POTEC: variants seen among roughly 807,000 people sequenced by gnomAD.
The protein encoded by POTEC is ANKRD26-like family B member 2.
POTEC carries 35 observed loss-of-function variants against 62.0 expected under a neutral mutation model. The observed-to-expected ratio is 0.56, with a 90% CI of 0.43 to 0.75. The LOEUF is 0.75. Among genes scored for constraint, POTEC ranks in the 30% least tolerant of loss-of-function variants. The probability of loss-of-function intolerance (pLI) is 0.00; values close to 1 mark genes in which losing one functional copy is unlikely to be tolerated. For missense variants in POTEC, 472 were observed against 655.9 expected (o/e 0.72, Z 3.06); for synonymous variants, 156 against 221.5 (o/e 0.70, Z 2.62).
chr18:14,528,655 G>A (rs1381113095), intron 6 of POTEC, among the ~76,000 whole-genome samples: 2 of 151,782 alleles, frequency 1.3e-5, no homozygotes, highest in African/African-American at 4.8e-5. Flanking sequence ...AGGGACAAGT[G>A]GGATCCTAGG....
In POTEC at chr18:14,507,742, T is replaced by G. The variant is rs1909883979; in HGVS notation, c.*4156A>C. 2 of 152,204 alleles carry G rather than the reference T, an allele frequency of 1.3e-5. No homozygotes were observed. The highest frequency in any genetic ancestry group is 1.3e-4 in the Admixed American group (2 of 15,290). The allele number at this position is 152,204 out of a possible 1,614,324, so 9.4% of individuals were successfully genotyped here. A position where few individuals can be genotyped will look rare whatever the true frequency, so the allele number is the denominator to read the frequency against. ...GGTCTTTTCTTTCCATATTTAGTGC[T>G]TCCTTCAGGAGCTCTTGTAAGGTAG... On this transcript the variant is annotated 3_prime_UTR_variant, in exon 11 of 11. Coordinates refer to ENST00000358970, the MANE Select transcript of POTEC (RefSeq NM_001137671.2).
rs1238363606 is a variant in POTEC, at chr18:14,511,797, C to G, written c.*101G>C. The G allele has an allele frequency of 8.1e-7, 1 of 1,229,262 alleles. No homozygotes were observed. The highest frequency in any genetic ancestry group is 1.6e-5 in the African/African-American group (1 of 63,866). The allele number at this position is 1,229,262 out of a possible 1,614,324, so 76.1% of individuals were successfully genotyped here. On this transcript the variant is annotated 3_prime_UTR_variant, in exon 11 of 11. Coordinates refer to ENST00000358970, the MANE Select transcript of POTEC (RefSeq NM_001137671.2). Reference sequence around the variant, plus strand: ...TGGTTTTCGTTAATGCTTCTTCATTCAATTGCATAGCCCTTAGAAGTTTAT... The same window carrying G: ...TGGTTTTCGTTAATGCTTCTTCATTGAATTGCATAGCCCTTAGAAGTTTAT...
chr18:14,535,679 A>C (rs1905688883), intron 3 of POTEC, among the ~76,000 whole-genome samples: 1 of 152,094 alleles, frequency 6.6e-6, no homozygotes, highest in Non-Finnish European at 1.5e-5. Context: ...TACAAACTTA[A>C]GAGACATACT....
chr18:14,512,684 T>G (rs1420029803), intron 10 of POTEC, among the ~76,000 whole-genome samples: 1 of 152,150 alleles, frequency 6.6e-6, no homozygotes, highest in African/African-American at 2.4e-5. Flanking sequence ...GGCAGGAGAA[T>G]CGTGTGTACC....
chr18:14,515,542 A>C (rs917895975), intron 9 of POTEC, among the ~76,000 whole-genome samples: 3 of 152,190 alleles, frequency 2.0e-5, no homozygotes, highest in African/African-American at 7.2e-5. Context: ...TAAAAAAATT[A>C]ATTCAAGATG....
chr18:14,517,719 G>A (rs986250081), intron 9 of POTEC, among the ~76,000 whole-genome samples: 19 of 152,234 alleles, frequency 1.2e-4, no homozygotes, highest in African/African-American at 3.6e-4. Context: ...AATATTAGCC[G>A]GGCATGGTGG....
intron 1 of POTEC, among the ~76,000 whole-genome samples, chr18:14,540,498 A>AT (rs1276215985): frequency 6.6e-6 from 1 of 152,032 alleles, no homozygotes; most frequent in African/African-American, 2.4e-5. Flanking sequence ...TAACAAACTG[A>AT]TTTTTTCTCA....
intron 9 of POTEC, among the ~76,000 whole-genome samples, chr18:14,515,573 G>A (rs924477811): frequency 6.6e-6 from 1 of 151,884 alleles, no homozygotes; most frequent in African/African-American, 2.4e-5. Context: ...CTAAACCTAA[G>A]ACCTGAAGAC....
In POTEC at chr18:14,510,975, G is replaced by C. The variant is rs1400426929; in HGVS notation, c.*923C>G. 2 of 152,214 alleles carry C rather than the reference G, an allele frequency of 1.3e-5. No individual in the cohort carries two copies. Among genetic ancestry groups the C allele is most frequent in the African/African-American group, 2.4e-5 (1 of 41,432 alleles). The allele number at this position is 152,214 out of a possible 1,614,324, so 9.4% of individuals were successfully genotyped here. A position where few individuals can be genotyped will look rare whatever the true frequency, so the allele number is the denominator to read the frequency against. On this transcript the variant is annotated 3_prime_UTR_variant, in exon 11 of 11. Transcript: ENST00000358970. ...AGGTGGCTGGAGACCCTGGTTGAAA[G>C]GCTCCACCCAGTGATTAGAAATGTG...
chr18:14,528,836 A>G, intron 6 of POTEC: 1 of 415,190 alleles, frequency 2.4e-6, no homozygotes, highest in South Asian at 1.8e-5. Flanking sequence ...TTAGCTAAGT[A>G]TTCACCTTAT....
intron 6 of POTEC, among the ~76,000 whole-genome samples, chr18:14,529,643 A>T (rs1319803839): frequency 6.6e-6 from 1 of 152,194 alleles, no homozygotes; most frequent in African/African-American, 2.4e-5. Context: ...AGAAGTGGGC[A>T]ATTTGTATAT....
At chr18:14,517,236 T>G (rs2143116645) in intron 9 of POTEC, among the ~76,000 whole-genome samples, 1 of 152,220 alleles carries the variant, frequency 6.6e-6, no homozygotes, top group South Asian at 2.1e-4. Flanking sequence ...TACAGAAAAT[T>G]TTCAGTTAAA....
intron 1 of POTEC, among the ~76,000 whole-genome samples, chr18:14,540,810 A>G (rs915807556): frequency 7.9e-5 from 12 of 152,356 alleles, no homozygotes; most frequent in South Asian, 4.1e-4. Flanking sequence ...AGCAAGTAAT[A>G]TAAGTACCAC....
chr18:14,516,420 C>T (rs1299750728), intron 9 of POTEC, among the ~76,000 whole-genome samples: 2 of 121,462 alleles, frequency 1.6e-5, no homozygotes, highest in South Asian at 3.0e-4. Flanking sequence ...CCTCAGGAAA[C>T]TTACAATCAT....
intron 6 of POTEC, 53 bp downstream of exon 6, chr18:14,530,430 C>A (rs983449038): frequency 6.3e-7 from 1 of 1,599,196 alleles, no homozygotes; most frequent in Non-Finnish European, 8.5e-7. Context: ...GTCCCTGCTG[C>A]CAAAAACATT....
At position 14,537,788 on chromosome 18, in the gene POTEC, G is replaced by C; in HGVS notation, c.810+13C>G. ...ATTTCAGTATTTTGAAGATAAAATT[G>C]GTAGATCTATACCTTGTTTTTTGAT... On this transcript the variant is annotated intron_variant, in intron 3 of 10. Coordinates refer to ENST00000358970, the MANE Select transcript of POTEC (RefSeq NM_001137671.2). 1 of 1,609,934 alleles carries C rather than the reference G, an allele frequency of 6.2e-7. No individual in the cohort carries two copies. Among genetic ancestry groups the C allele is most frequent in the Non-Finnish European group, 8.5e-7 (1 of 1,178,596 alleles).
chr18:14,543,446 A>G lies in POTEC; in HGVS notation c.-300T>C, dbSNP rs1906035262. 1.2e-5 allele frequency: 7 copies of G among 565,178 alleles called. No homozygotes were observed. The highest frequency in any genetic ancestry group is 7.5e-5 in the African/African-American group (4 of 53,332). The allele number at this position is 565,178 out of a possible 1,614,324, so 35.0% of individuals were successfully genotyped here. On this transcript the variant is annotated 5_prime_UTR_variant, in exon 1 of 11. Transcript: ENST00000358970. The stretch of plus-strand genomic sequence containing the variant: ...AGGGAATGCCAAACCCAGCAGAGAA[A>G]AAGTCAAGCCCAGCAAAGGAATGCG...
Position 14,543,116 on chromosome 18 carries a change from C to T in POTEC, c.31G>A (p.Ala11Thr), listed in dbSNP as rs1906017446. Residue 11 changes from alanine to threonine, a missense_variant, in exon 1 of 11, where the codon GCC becomes ACC. Coordinates refer to ENST00000358970, the MANE Select transcript of POTEC (RefSeq NM_001137671.2). ...TCGAATGGCTTCTTCACAGCAGAGG[C>T]AGCGGGCATTGAACAAACCTCAGTC... MVTEVCSMPA[A>T]SAVKKPFDLR... The T allele has an allele frequency of 6.8e-6, 11 of 1,613,840 alleles. No homozygotes were observed. Among genetic ancestry groups the T allele is most frequent in the Non-Finnish European group, 9.3e-6 (11 of 1,179,880 alleles).
At chr18:14,530,596 T>C in intron 5 of POTEC, 43 bp from the exon 6 acceptor site, 1 of 1,373,208 alleles carries the variant, frequency 7.3e-7, no homozygotes, top group Non-Finnish European at 9.9e-7. Context: ...ATTTTAATAC[T>C]GATATAAAAA....
Sources: allele counts gnomAD v4.1 joint callset (sites outside exome capture counted in the v4.1 genomes callset), GRCh38; gene constraint gnomAD v4.1.1; transcripts MANE v1.5; gene names NCBI Gene and HGNC (gene_info 2026-07-23, HGNC 2026-07-21).